RALGAPA2: variants seen among roughly 807,000 people sequenced by gnomAD.
RALGAPA2 encodes ral GTPase-activating protein subunit alpha-2.
RALGAPA2 carries 139 observed loss-of-function variants against 230.4 expected under a neutral mutation model. The observed-to-expected ratio is 0.60, with a 90% confidence interval of 0.53 to 0.69. The LOEUF (loss-of-function observed/expected upper bound fraction) is 0.69, where lower values mean the gene tolerates loss of function less well. Ranked by LOEUF, RALGAPA2 falls within the 30% of genes least tolerant of loss-of-function variation. The pLI, the probability that RALGAPA2 is intolerant of heterozygous loss-of-function variation, is 0.00. For synonymous variants in RALGAPA2, 847 were observed against 837.8 expected (o/e 1.01, Z -0.19); for missense variants, 2,163 against 2,276.0 (o/e 0.95, Z 1.01).
intron 20 of RALGAPA2, among the ~76,000 whole-genome samples, chr20:20,577,233 T>C (rs2064849762): frequency 1.3e-5 from 2 of 151,878 alleles, no homozygotes. Context: ...AGTAGAGGAA[T>C]GACAAGGGCA....
intron 39 of RALGAPA2, among the ~76,000 whole-genome samples, chr20:20,395,313 G>A (rs1158212722): frequency 6.6e-6 from 1 of 152,252 alleles, no homozygotes; most frequent in Non-Finnish European, 1.5e-5. Flanking sequence ...GTGGTGGGGA[G>A]GTGGCAGCTG....
chr20:20,436,126 CGTCT>C (rs1381935276), intron 37 of RALGAPA2, among the ~76,000 whole-genome samples: 2 of 152,182 alleles, frequency 1.3e-5, no homozygotes, highest in Non-Finnish European at 2.9e-5. Context: ...GACATTTCCC[CGTCT>C]GTCTGCCTAA....
chr20:20,531,959 T>C (rs1222230892), intron 26 of RALGAPA2, among the ~76,000 whole-genome samples, 164 bp from the exon 27 acceptor site: 1 of 152,208 alleles, frequency 6.6e-6, no homozygotes, highest in African/African-American at 2.4e-5. Flanking sequence ...GAACCCTCAA[T>C]AGGCCAATTT....
intron 37 of RALGAPA2, among the ~76,000 whole-genome samples, chr20:20,463,160 G>T (rs2061341930): frequency 6.7e-6 from 1 of 149,062 alleles, no homozygotes; most frequent in Non-Finnish European, 1.5e-5. Context: ...AATTCAGTTT[G>T]TAGTCAACAG....
chr20:20,577,060 A>T (rs954177198), intron 20 of RALGAPA2, among the ~76,000 whole-genome samples: 1 of 152,154 alleles, frequency 6.6e-6, no homozygotes, highest in Non-Finnish European at 1.5e-5. Flanking sequence ...TATTAACATA[A>T]TTATTCCCAA....
chr20:20,538,072 C>T (rs963635088), intron 24 of RALGAPA2, among the ~76,000 whole-genome samples: 2 of 152,148 alleles, frequency 1.3e-5, no homozygotes, highest in African/African-American at 4.8e-5. Flanking sequence ...AGATGAGGCG[C>T]AGTATGTGAG....
intron 1 of RALGAPA2, among the ~76,000 whole-genome samples, chr20:20,711,740 A>AT (rs961556768): frequency 1.3e-5 from 2 of 152,144 alleles, no homozygotes. Flanking sequence ...AAGCAGGAAG[A>AT]GAAGGCCCCT....
At chr20:20,469,296 C>T (rs957383708) in intron 37 of RALGAPA2, among the ~76,000 whole-genome samples, 14 of 152,106 alleles carry the variant, frequency 9.2e-5, no homozygotes, top group Admixed American at 3.3e-4. Flanking sequence ...TCCCACTGAA[C>T]AAGAAAGAAA....
At chr20:20,563,364 C>T (rs181337051) in intron 23 of RALGAPA2, among the ~76,000 whole-genome samples, 15 of 152,288 alleles carry the variant, frequency 9.8e-5, no homozygotes, top group Non-Finnish European at 4.4e-5. Flanking sequence ...TCTTGGCTAA[C>T]AAAAACATCA....
chr20:20,653,571 A>G lies in RALGAPA2; in HGVS notation c.287T>C (p.Leu96Pro). 6.7e-7 allele frequency: 1 copy of G among 1,495,372 alleles called. No homozygotes were observed. The highest frequency in any genetic ancestry group is 9.1e-7 in the Non-Finnish European group (1 of 1,100,086). 92.6% of individuals were successfully genotyped at this position (1,495,372 alleles called of 1,614,324 possible). A position where few individuals can be genotyped will look rare whatever the true frequency, so the allele number is the denominator to read the frequency against. ...CCATCGAAAGAAAATTCGTTCAGGT[A>G]GAAACTGCAGTATTTTCTATTAAAA... ...LFLFEKILQF[L>P]PERIFFRWHY... Residue 96 changes from leucine to proline, a missense_variant, in exon 4 of 40, where the codon CTA becomes CCA. Transcript: ENST00000202677.
At chr20:20,703,582 A>G (rs979711247) in intron 1 of RALGAPA2, among the ~76,000 whole-genome samples, 9 of 152,238 alleles carry the variant, frequency 5.9e-5, no homozygotes, top group African/African-American at 2.2e-4. Flanking sequence ...TGATTGCTTA[A>G]GGTAGTAATT....
At chr20:20,505,620 A>G (rs1602578225) in intron 33 of RALGAPA2, 86 bp from the exon 34 acceptor site, 1 of 1,190,598 alleles carries the variant, frequency 8.4e-7, no homozygotes, top group Non-Finnish European at 1.2e-6. Context: ...CATGACTTCT[A>G]CCACTGAGCT....
intron 27 of RALGAPA2, among the ~76,000 whole-genome samples, chr20:20,527,004 C>A (rs925428325): frequency 3.0e-4 from 46 of 152,266 alleles, no homozygotes; most frequent in African/African-American, 1.1e-3. Context: ...CCATTGATTG[C>A]GAGGCAGCAT....
At chr20:20,522,250 CAA>C (rs1175875335) in intron 30 of RALGAPA2, among the ~76,000 whole-genome samples, 673 of 48,382 alleles carry the variant, frequency 0.014, 1 homozygote, top group African/African-American at 0.048. Context: ...CGTATATGTA[CAA>C]AAAAAAAAAA....
intron 35 of RALGAPA2, among the ~76,000 whole-genome samples, chr20:20,497,535 C>T (rs769277922): frequency 5.3e-5 from 8 of 152,194 alleles, no homozygotes; most frequent in Non-Finnish European, 7.3e-5. Flanking sequence ...ACCCCTCAAA[C>T]GTGCTGCCAC....
intron 37 of RALGAPA2, among the ~76,000 whole-genome samples, chr20:20,421,471 G>C (rs542775673): frequency 6.6e-6 from 1 of 152,296 alleles, no homozygotes; most frequent in Non-Finnish European, 1.5e-5. Flanking sequence ...AGGAGTTCGA[G>C]ACCAGCCTGA....
Position 20,712,458 on chromosome 20 carries a change from C to G in RALGAPA2, c.23G>C (p.Gly8Ala). 1 of 1,552,474 alleles carries G rather than the reference C, an allele frequency of 6.4e-7. No homozygotes were observed. MFSRRSH[G>A]DVKKSTQKVL... ...CTTCTGGGTGGACTTCTTCACATCCCCGTGGCTCCTTCGGGAGAACATCCC... is the reference window on the plus strand; with the variant it reads ...CTTCTGGGTGGACTTCTTCACATCCGCGTGGCTCCTTCGGGAGAACATCCC... The change falls in exon 1 of 40, where the codon GGG becomes GCG. Residue 8 changes from glycine to alanine, a missense_variant. Transcript: ENST00000202677. This position sits in a 1 kb window ranked among gnomAD's most constrained non-coding sequence, Gnocchi z 5.5.
At chr20:20,686,608 T>C (rs1460388660) in intron 1 of RALGAPA2, among the ~76,000 whole-genome samples, 2 of 152,016 alleles carry the variant, frequency 1.3e-5, no homozygotes, top group South Asian at 2.1e-4. Flanking sequence ...TGAGCATATG[T>C]AGAATGCTTA....
At chr20:20,535,227 T>C (rs893912855) in intron 26 of RALGAPA2, among the ~76,000 whole-genome samples, 1 of 152,186 alleles carries the variant, frequency 6.6e-6, no homozygotes, top group Non-Finnish European at 1.5e-5. Context: ...TTCCCAGCTT[T>C]GGTCTTCACG....
Sources: gnomAD v4.1 joint callset for allele counts (sites outside exome capture counted in the v4.1 genomes callset) on GRCh38, gnomAD v4.1.1 for gene constraint, Gnocchi (gnomAD v3.1) non-coding constraint, MANE v1.5 for transcripts, NCBI Gene and HGNC (gene_info 2026-07-23, HGNC 2026-07-21) for gene names.